NFIB: variants seen among roughly 807,000 people sequenced by gnomAD.
NFIB encodes the protein nuclear factor 1 B-type.
In NFIB, 11 loss-of-function variants were observed where a neutral mutation model predicts 61.5. That is an observed-to-expected ratio of 0.18 (90% CI 0.11 to 0.30). The LOEUF (loss-of-function observed/expected upper bound fraction) is 0.30. Ranked by LOEUF, NFIB falls within the 10% of genes least tolerant of loss-of-function variation. The pLI, the probability that NFIB is intolerant of heterozygous loss-of-function variation, is 1.00. For missense variants in NFIB, 471 were observed against 608.9 expected, an observed-to-expected ratio of 0.77 and a Z score of 2.38; for synonymous variants, 260 against 216.5, an observed-to-expected ratio of 1.20 and a Z score of -1.76.
chr9:14,405,472 A>C, the NFIB span, among the ~76,000 whole-genome samples: 2 of 152,226 alleles, frequency 1.3e-5, no homozygotes, highest in Non-Finnish European at 2.9e-5. Flanking sequence ...TGGAGGCTGG[A>C]AAGATGAAGA....
At chr9:14,148,341 T>C (rs1013910406) in intron 5 of NFIB, among the ~76,000 whole-genome samples, 3 of 152,026 alleles carry the variant, frequency 2.0e-5, no homozygotes, top group Admixed American at 2.0e-4. Flanking sequence ...CTTGAACTCC[T>C]AGGTTCAAGT....
At chr9:14,247,057 G>A (rs755251751) in intron 2 of NFIB, among the ~76,000 whole-genome samples, 5 of 151,942 alleles carry the variant, frequency 3.3e-5, no homozygotes, top group East Asian at 1.9e-4. Context: ...TGCAAACCAC[G>A]AAGAGAGCCC....
rs146606998 is a variant in NFIB at position 14,177,482 on chromosome 9, T to C, written c.616+2245A>G. On this transcript the variant is annotated intron_variant, in intron 3 of 10. Transcript: ENST00000380953. ...ATAATCTCTATCATTAAGTCCAAAA[T>C]AGAATTCCTTAATAAGCCTTATGGT... Among the ~76,000 whole-genome samples the C allele has an allele frequency of 6.5e-3, 994 of 152,234 alleles. 7 individuals carry two copies. Among genetic ancestry groups the C allele is most frequent in the Middle Eastern group, 0.027 (8 of 292 alleles).
chr9:14,459,779 A>G, the NFIB span, among the ~76,000 whole-genome samples: 1 of 151,572 alleles, frequency 6.6e-6, no homozygotes, highest in Non-Finnish European at 1.5e-5. Flanking sequence ...GCTCATCATC[A>G]CTGGCCATCA....
intron 10 of NFIB, among the ~76,000 whole-genome samples, chr9:14,109,252 G>C (rs1278113035): frequency 6.6e-6 from 1 of 151,996 alleles, no homozygotes; most frequent in Non-Finnish European, 1.5e-5. Context: ...CACTCTGATT[G>C]ATAGTTCCCA....
intron 1 of NFIB, among the ~76,000 whole-genome samples, chr9:14,390,275 T>G (rs1334528807): frequency 1.3e-5 from 2 of 152,192 alleles, no homozygotes; most frequent in Admixed American, 1.3e-4. Flanking sequence ...TACTTTACCA[T>G]TCTAAGCTTC....
intron 2 of NFIB, among the ~76,000 whole-genome samples, chr9:14,243,582 T>A (rs1257593101): frequency 6.7e-6 from 1 of 150,348 alleles, no homozygotes; most frequent in African/African-American, 2.4e-5. Flanking sequence ...AGTCAACCTA[T>A]GGTTAGATTT....
At chr9:14,127,030 C>T (rs1404323130) in intron 6 of NFIB, among the ~76,000 whole-genome samples, 3 of 152,154 alleles carry the variant, frequency 2.0e-5, no homozygotes, top group Non-Finnish European at 4.4e-5. Flanking sequence ...TCAGAGATTT[C>T]GGGCTTCATT....
At chr9:14,465,254 C>G in the NFIB span, among the ~76,000 whole-genome samples, 1 of 152,162 alleles carries the variant, frequency 6.6e-6, no homozygotes, top group Non-Finnish European at 1.5e-5. Context: ...AGCCATCCAT[C>G]CTGGAACCTT....
intron 6 of NFIB, among the ~76,000 whole-genome samples, chr9:14,131,564 C>A (rs1364952822): frequency 1.3e-5 from 2 of 152,230 alleles, no homozygotes; most frequent in Non-Finnish European, 2.9e-5. Flanking sequence ...GCACAAATTG[C>A]GCTCCAGATG....
At chr9:14,465,396 T>C in the NFIB span, among the ~76,000 whole-genome samples, 1 of 152,118 alleles carries the variant, frequency 6.6e-6, no homozygotes, top group Admixed American at 6.5e-5. Flanking sequence ...GGGAAGAACA[T>C]ATTTCAAAAA....
At chr9:14,160,576 T>A (rs957185319) in intron 3 of NFIB, among the ~76,000 whole-genome samples, 7 of 152,290 alleles carry the variant, frequency 4.6e-5, no homozygotes, top group Non-Finnish European at 7.4e-5. Flanking sequence ...TAAACAGATT[T>A]GTCATCCAAT....
chr9:14,450,333 A>G, the NFIB span, among the ~76,000 whole-genome samples: 1 of 152,184 alleles, frequency 6.6e-6, no homozygotes, highest in Non-Finnish European at 1.5e-5. Context: ...TACTGCTTAC[A>G]TCAACACAAC....
intron 3 of NFIB, 128 bp from the exon 4 acceptor site, chr9:14,156,021 C>G: frequency 2.0e-6 from 1 of 489,326 alleles, no homozygotes; most frequent in Non-Finnish European, 3.6e-6. Flanking sequence ...ACAATAAGGA[C>G]TTTAAAAAAT....
rs1028665343 is a variant in NFIB, at chr9:14,313,960, G to T, written c.-449C>A. 1 of 1,061,938 alleles carries T rather than the reference G, an allele frequency of 9.4e-7. No individual in the cohort carries two copies. The highest frequency in any genetic ancestry group is 1.1e-6 in the Non-Finnish European group (1 of 879,116). The allele number at this position is 1,061,938 out of a possible 1,614,324, so 65.8% of individuals were successfully genotyped here. A position where few individuals can be genotyped will look rare whatever the true frequency, so the allele number is the denominator to read the frequency against. On this transcript the variant is annotated 5_prime_UTR_variant, in exon 1 of 11. Coordinates refer to ENST00000380953, the MANE Select transcript of NFIB (RefSeq NM_001190737.2). This position sits in a 1 kb window ranked among gnomAD's most constrained non-coding sequence, Gnocchi z 4.5. The stretch of plus-strand genomic sequence containing the variant: ...TCAAAAAAGGCGGGGAGGGGGGCGC[G>T]GGAGGGCGCAGGAGGGCGAGCGGGC...
chr9:14,256,067 G>A (rs1439377200), intron 2 of NFIB, among the ~76,000 whole-genome samples: 1 of 152,178 alleles, frequency 6.6e-6, no homozygotes, highest in Non-Finnish European at 1.5e-5. Context: ...CTGCCCCACA[G>A]GGCTATTATG....
chr9:14,099,464 A>G (rs1269169302), intron 10 of NFIB, among the ~76,000 whole-genome samples: 2 of 152,230 alleles, frequency 1.3e-5, no homozygotes, highest in African/African-American at 4.8e-5. Context: ...TGTTTTAAAA[A>G]TAACCACAAG....
At chr9:14,232,322 G>A (rs1225903875) in intron 2 of NFIB, among the ~76,000 whole-genome samples, 3 of 152,108 alleles carry the variant, frequency 2.0e-5, no homozygotes, top group East Asian at 1.9e-4. Context: ...TTACGACCCC[G>A]TCACACTGGG....
chr9:14,514,188 G>C, the NFIB span, among the ~76,000 whole-genome samples: 5 of 152,088 alleles, frequency 3.3e-5, no homozygotes, highest in Non-Finnish European at 7.4e-5. Flanking sequence ...TGTTTTCAGA[G>C]CTCTATTATA....
Sources: gnomAD v4.1 joint callset for allele counts (sites outside exome capture counted in the v4.1 genomes callset) on GRCh38, gnomAD v4.1.1 for gene constraint, Gnocchi (gnomAD v3.1) non-coding constraint, MANE v1.5 for transcripts, NCBI Gene and HGNC (gene_info 2026-07-23, HGNC 2026-07-21) for gene names.